PSD3: variants seen among roughly 807,000 people sequenced by gnomAD.
PSD3 encodes the protein PH and SEC7 domain-containing protein 3.
In PSD3, 49 loss-of-function variants were observed where a neutral mutation model predicts 105.5. That is an observed-to-expected ratio of 0.46 (90% CI 0.37 to 0.59). PSD3 has a LOEUF of 0.59. Among genes scored for constraint, PSD3 ranks in the 20% least tolerant of loss-of-function variants. The probability of loss-of-function intolerance (pLI) is 0.00; values close to 1 mark genes in which losing one functional copy is unlikely to be tolerated. For missense variants in PSD3, 1,561 were observed against 1,263.8 expected (o/e 1.24, Z -3.57); for synonymous variants, 557 against 457.8 (o/e 1.22, Z -2.77).
rs1470993392 is a variant in PSD3, at chr8:18,528,700, C to T, written c.*7043G>A. On this transcript the variant is annotated 3_prime_UTR_variant, in exon 16 of 16. Coordinates refer to ENST00000327040, the MANE Select transcript of PSD3 (RefSeq NM_015310.4). ...ACCTGCAGTGTGGTCCTTAATCGAG[C>T]CTTGGGCTGGGACTCTTCTAGGAGC... 6.6e-6 allele frequency: 1 copy of T among 152,562 alleles called. No homozygotes were observed. The highest frequency in any genetic ancestry group is 2.4e-5 in the African/African-American group (1 of 41,424). 9.5% of individuals were successfully genotyped at this position (152,562 alleles called of 1,614,324 possible).
chr8:18,936,421 A>T (rs1298366535), intron 1 of PSD3, among the ~76,000 whole-genome samples: 2 of 152,204 alleles, frequency 1.3e-5, no homozygotes, highest in Non-Finnish European at 2.9e-5. Context: ...AGGCTGAATT[A>T]TGGTCGGTTT....
At chr8:18,984,129 G>A (rs1369430046) in intron 1 of PSD3, among the ~76,000 whole-genome samples, 1 of 151,116 alleles carries the variant, frequency 6.6e-6, no homozygotes, top group African/African-American at 2.4e-5. Context: ...CACAAAGTGA[G>A]CACAGTGGGA....
intron 6 of PSD3, 114 bp downstream of exon 6, chr8:18,804,408 T>A: frequency 1.2e-6 from 1 of 850,992 alleles, no homozygotes; most frequent in South Asian, 1.9e-5. Context: ...ATACTCCACC[T>A]ATACATGGAG....
intron 14 of PSD3, among the ~76,000 whole-genome samples, chr8:18,564,231 C>G (rs1230964740): frequency 1.3e-5 from 2 of 151,754 alleles, no homozygotes; most frequent in Non-Finnish European, 2.9e-5. Context: ...TAAAAGATAT[C>G]TGCTGAAATA....
intron 1 of PSD3, among the ~76,000 whole-genome samples, chr8:18,975,215 A>G (rs1824865488): frequency 6.6e-6 from 1 of 152,220 alleles, no homozygotes; most frequent in Non-Finnish European, 1.5e-5. Context: ...CATCCCTAAT[A>G]TATCAGGGTA....
chr8:19,068,115 C>T (rs1829136715), intron 1 of PSD3, among the ~76,000 whole-genome samples: 1 of 152,034 alleles, frequency 6.6e-6, no homozygotes, highest in Non-Finnish European at 1.5e-5. Flanking sequence ...GTTTTGGCTC[C>T]CCTGCAGCCT....
intron 1 of PSD3, among the ~76,000 whole-genome samples, chr8:19,083,157 C>T (rs976590146): frequency 3.3e-5 from 5 of 152,280 alleles, no homozygotes; most frequent in African/African-American, 7.2e-5. Flanking sequence ...CTCTTCCTTC[C>T]GTCTCATCCC....
Position 18,537,253 on chromosome 8 carries a change from C to T in PSD3, c.2929-1295G>A, listed in dbSNP as rs558618693. On this transcript the variant is annotated intron_variant, in intron 15 of 15. Transcript: ENST00000327040. ...CACAACTGATAACTTACCATCCCTG[C>T]TTTACAGTTAAGGCAACAAAGGCAA... Among the ~76,000 whole-genome samples the T allele has an allele frequency of 6.6e-5, 10 of 152,228 alleles. No homozygotes were observed. The East Asian group carries it at 1.9e-3, about 29-fold the overall frequency.
At chr8:18,666,399 G>A (rs759271701) in intron 9 of PSD3, among the ~76,000 whole-genome samples, 46 of 152,176 alleles carry the variant, frequency 3.0e-4, no homozygotes, top group Non-Finnish European at 1.0e-4. Flanking sequence ...AATTCCTGTG[G>A]CTTGCTTTAT....
intron 2 of PSD3, among the ~76,000 whole-genome samples, chr8:18,903,487 T>C (rs773620415): frequency 6.6e-6 from 1 of 152,094 alleles, no homozygotes; most frequent in Admixed American, 6.5e-5. Context: ...CAAGAACAGA[T>C]GTGTCCCAAC....
intron 1 of PSD3, among the ~76,000 whole-genome samples, chr8:19,058,697 T>C (rs917248338): frequency 2.0e-5 from 3 of 152,180 alleles, no homozygotes; most frequent in African/African-American, 7.2e-5. Context: ...AAAAGTTTCT[T>C]GAAGTTTGGA....
At chr8:18,785,873 G>C (rs956732359) in intron 8 of PSD3, among the ~76,000 whole-genome samples, 1 of 152,196 alleles carries the variant, frequency 6.6e-6, no homozygotes, top group African/African-American at 2.4e-5. Flanking sequence ...CTTTGGCGCA[G>C]TCAAAACATA....
At chr8:19,047,921 G>T (rs1019878175) in intron 1 of PSD3, among the ~76,000 whole-genome samples, 1 of 152,130 alleles carries the variant, frequency 6.6e-6, no homozygotes, top group Non-Finnish European at 1.5e-5. Flanking sequence ...TTTGGCTATT[G>T]AGTGTCTCCT....
intron 9 of PSD3, among the ~76,000 whole-genome samples, chr8:18,666,782 G>C (rs564488817): frequency 6.6e-6 from 1 of 151,510 alleles, no homozygotes. Context: ...AAATGTTCAA[G>C]TATGTCAACA....
chr8:18,855,858 T>G (rs886877689), intron 4 of PSD3, among the ~76,000 whole-genome samples: 1 of 152,350 alleles, frequency 6.6e-6, no homozygotes, highest in Non-Finnish European at 1.5e-5. Context: ...TTTTATTTCC[T>G]AAGTGGGATG....
intron 1 of PSD3, among the ~76,000 whole-genome samples, chr8:19,040,675 C>T (rs1055403604): frequency 6.6e-6 from 1 of 152,216 alleles, no homozygotes; most frequent in African/African-American, 2.4e-5. Context: ...TCAGAATCTG[C>T]TGCAATCAGC....
At chr8:18,872,781 GC>G (rs763052430) in intron 2 of PSD3, 48 bp from the exon 3 acceptor site, 2 of 1,472,646 alleles carry the variant, frequency 1.4e-6, no homozygotes, top group South Asian at 2.7e-5. Context: ...GAAAGACAGG[GC>G]CCAGTAGGTA....
At chr8:18,808,413 G>C (rs1230204256) in intron 4 of PSD3, among the ~76,000 whole-genome samples, 2 of 152,092 alleles carry the variant, frequency 1.3e-5, no homozygotes, top group South Asian at 2.1e-4. Flanking sequence ...ATTCTAATGA[G>C]AACACATTTT....
At chr8:18,544,102 C>G (rs1211762629) in intron 15 of PSD3, among the ~76,000 whole-genome samples, 1 of 139,170 alleles carries the variant, frequency 7.2e-6, no homozygotes, top group Admixed American at 7.3e-5. Flanking sequence ...AGCAGAAAAG[C>G]AATAATCTCA....
Sources: gnomAD v4.1 joint callset for allele counts (sites outside exome capture counted in the v4.1 genomes callset) on GRCh38, gnomAD v4.1.1 for gene constraint, MANE v1.5 for transcripts, NCBI Gene and HGNC (gene_info 2026-07-23, HGNC 2026-07-21) for gene names.